The following MDGA2 variants were observed in gnomAD, a reference collection of about 807,000 sequenced individuals.
The protein encoded by MDGA2 is MAM domain-containing glycosylphosphatidylinositol anchor protein 2.
MDGA2 carries 40 observed loss-of-function variants against 117.8 expected under a neutral mutation model. That is an observed-to-expected ratio of 0.34 (90% confidence interval 0.26 to 0.44). MDGA2 has a LOEUF of 0.44. Among genes scored for constraint, MDGA2 ranks in the 20% least tolerant of loss-of-function variants. The pLI is 1.00. For missense variants in MDGA2, 1,123 were observed against 1,250.6 expected (o/e 0.90, Z 1.54); for synonymous variants, 452 against 439.0 (o/e 1.03, Z -0.37).
chr14:47,113,987 C>T (rs1027905906), intron 5 of MDGA2, among the ~76,000 whole-genome samples: 12 of 151,948 alleles, frequency 7.9e-5, no homozygotes, highest in South Asian at 4.1e-4. Context: ...GCAGATGACA[C>T]GATCCTACAT....
intron 8 of MDGA2, among the ~76,000 whole-genome samples, chr14:47,027,561 A>G (rs1888519196): frequency 1.3e-5 from 2 of 151,674 alleles, no homozygotes. Context: ...TGAGCCACAT[A>G]CTTGATAAAC....
At chr14:47,545,483 C>T (rs1301167207) in intron 1 of MDGA2, among the ~76,000 whole-genome samples, 1 of 152,112 alleles carries the variant, frequency 6.6e-6, no homozygotes, top group East Asian at 1.9e-4. Flanking sequence ...CAAAAAAGAA[C>T]ATGTTCATGA....
chr14:47,035,981 T>A (rs1010724546), intron 7 of MDGA2, among the ~76,000 whole-genome samples: 4 of 152,080 alleles, frequency 2.6e-5, no homozygotes, highest in African/African-American at 9.7e-5. Context: ...ATAAAAATTA[T>A]AATTTTGGTC....
At chr14:47,007,750 CTT>C (rs960407471) in intron 8 of MDGA2, among the ~76,000 whole-genome samples, 1 of 151,810 alleles carries the variant, frequency 6.6e-6, no homozygotes, top group Admixed American at 6.6e-5. Flanking sequence ...AATCATTTCT[CTT>C]GTCCCTCAAT....
rs185468434 is a variant in MDGA2 at position 47,500,697 on chromosome 14, A to G, written c.280+173820T>C. On this transcript the variant is annotated intron_variant, in intron 1 of 16. Transcript: ENST00000399232. The stretch of plus-strand genomic sequence containing the variant: ...AAATAATCATGACTACAATTGATCA[A>G]AACACATCAGACATTTTAAAATCCA... Among the ~76,000 whole-genome samples, 20 of 152,250 alleles carry G rather than the reference A, an allele frequency of 1.3e-4. No homozygotes were observed. The East Asian group carries it at 2.1e-3, about 16-fold the overall frequency.
chr14:47,531,362 TGAG>T (rs1321377054), intron 1 of MDGA2, among the ~76,000 whole-genome samples: 1 of 152,182 alleles, frequency 6.6e-6, no homozygotes, highest in Non-Finnish European at 1.5e-5. Flanking sequence ...ACTCTCAAAA[TGAG>T]GATACAAGAC....
In MDGA2 at chr14:47,069,995, A is replaced by G. The variant is rs186811791; in HGVS notation, c.1196-8417T>C. Among the ~76,000 whole-genome samples the G allele has an allele frequency of 2.5e-4, 38 of 152,264 alleles. No individual in the cohort carries two copies. The East Asian group carries it at 4.1e-3, about 16-fold the overall frequency. On this transcript the variant is annotated intron_variant, in intron 6 of 16. Coordinates refer to ENST00000399232, the MANE Select transcript of MDGA2 (RefSeq NM_001113498.3). ...CCCCTATTTTAACTAAACTTTAGATAGATTTATTTCTTTTTCTTTTTTTGG... is the reference window on the plus strand; with the variant it reads ...CCCCTATTTTAACTAAACTTTAGATGGATTTATTTCTTTTTCTTTTTTTGG...
Position 47,425,548 on chromosome 14 carries a change from G to A in MDGA2, c.281-123998C>T, listed in dbSNP as rs144777380. Among the ~76,000 whole-genome samples, 3 of 152,182 alleles carry A rather than the reference G, an allele frequency of 2.0e-5. No individual in the cohort carries two copies. In the East Asian group the frequency reaches 5.8e-4, roughly 30 times the overall value. On this transcript the variant is annotated intron_variant, in intron 1 of 16. Coordinates refer to ENST00000399232, the MANE Select transcript of MDGA2 (RefSeq NM_001113498.3). ...GCGCACACAGAGAAAAGCCACTGAG[G>A]CTATAATCTTCTAGGAACAGGAAGT... is the stretch of plus-strand genomic sequence containing the variant.
chr14:47,328,770 G>A (rs1273799439), intron 1 of MDGA2, among the ~76,000 whole-genome samples: 1 of 152,096 alleles, frequency 6.6e-6, no homozygotes, highest in African/African-American at 2.4e-5. Context: ...AGACAACGAA[G>A]AGAAGCAAGC....
At chr14:47,313,312 A>G (rs766057014) in intron 1 of MDGA2, among the ~76,000 whole-genome samples, 1 of 152,010 alleles carries the variant, frequency 6.6e-6, no homozygotes, top group Non-Finnish European at 1.5e-5. Flanking sequence ...TGGCTCTGTC[A>G]CTCAGGCTGG....
chr14:47,355,290 C>G (rs1008086117), intron 1 of MDGA2, among the ~76,000 whole-genome samples: 1 of 152,174 alleles, frequency 6.6e-6, no homozygotes, highest in Non-Finnish European at 1.5e-5. Flanking sequence ...CAACCTCTCT[C>G]CCGGAGAAAG....
intron 9 of MDGA2, among the ~76,000 whole-genome samples, chr14:46,927,418 C>T (rs914643893): frequency 2.0e-5 from 3 of 151,916 alleles, no homozygotes; most frequent in African/African-American, 7.3e-5. Flanking sequence ...ACAAGCAATA[C>T]TTAAGAAATT....
At chr14:46,957,901 G>A (rs533246862) in intron 8 of MDGA2, among the ~76,000 whole-genome samples, 7 of 152,180 alleles carry the variant, frequency 4.6e-5, no homozygotes, top group South Asian at 2.1e-4. Context: ...CTGATCCTTC[G>A]TACCTCTTTC....
intron 10 of MDGA2, among the ~76,000 whole-genome samples, chr14:46,902,735 T>C (rs1455449161): frequency 6.6e-6 from 1 of 152,218 alleles, no homozygotes; most frequent in African/African-American, 2.4e-5. Context: ...TAATAATGTC[T>C]AAGAATCTGC....
At chr14:47,026,553 C>A (rs548087816) in intron 8 of MDGA2, among the ~76,000 whole-genome samples, 10 of 151,734 alleles carry the variant, frequency 6.6e-5, no homozygotes, top group Non-Finnish European at 1.5e-4. Context: ...CAGGAATGTT[C>A]ATATGATATA....
chr14:46,867,213 T>TA (rs1881805615), intron 14 of MDGA2, among the ~76,000 whole-genome samples: 2 of 152,142 alleles, frequency 1.3e-5, no homozygotes, highest in African/African-American at 4.8e-5. Flanking sequence ...TATGCAGCCA[T>TA]AAAAAATGAT....
At chr14:46,858,420 CT>C (rs1290946615) in intron 14 of MDGA2, among the ~76,000 whole-genome samples, 4 of 109,806 alleles carry the variant, frequency 3.6e-5, no homozygotes, top group East Asian at 2.7e-4. Flanking sequence ...TTTTCTTTTT[CT>C]TTTTTTCTTT....
intron 6 of MDGA2, among the ~76,000 whole-genome samples, chr14:47,081,819 T>C (rs1196921289): frequency 6.6e-6 from 1 of 152,146 alleles, no homozygotes; most frequent in African/African-American, 2.4e-5. Flanking sequence ...TGTCATCATT[T>C]TCTGATGGAA....
chr14:46,869,492 C>T (rs1265458169), intron 14 of MDGA2, among the ~76,000 whole-genome samples: 1 of 151,438 alleles, frequency 6.6e-6, no homozygotes, highest in African/African-American at 2.4e-5. Flanking sequence ...ACATATAAAT[C>T]AGCAGGTACT....
Sources: gnomAD v4.1 joint callset for allele counts (sites outside exome capture counted in the v4.1 genomes callset) on GRCh38, gnomAD v4.1.1 for gene constraint, MANE v1.5 for transcripts, NCBI Gene and HGNC (gene_info 2026-07-23, HGNC 2026-07-21) for gene names.